The following ARAP2 variants were observed in gnomAD, a reference collection of about 807,000 sequenced individuals.
The protein encoded by ARAP2 is ArfGAP with RhoGAP domain, ankyrin repeat and PH domain 2.
In ARAP2, 148 loss-of-function variants were observed where a neutral mutation model predicts 194.5. The ratio of observed to expected loss-of-function variants is 0.76; its 90% CI spans 0.67 to 0.87. ARAP2 has a LOEUF of 0.87. ARAP2 is among the 40% of genes least tolerant of loss of function. The pLI is 0.00. For synonymous variants in ARAP2, 695 were observed against 683.5 expected, an observed-to-expected ratio of 1.02 and a Z score of -0.26; for missense variants, 2,128 against 1,989.7, an observed-to-expected ratio of 1.07 and a Z score of -1.32.
intron 31 of ARAP2, among the ~76,000 whole-genome samples, chr4:36,077,739 T>C (rs1162835106): frequency 2.0e-5 from 3 of 152,182 alleles, no homozygotes; most frequent in South Asian, 2.1e-4. Flanking sequence ...AATTAGATTA[T>C]ATCCTTCCCT....
Position 36,161,492 on chromosome 4 carries a change from A to G in ARAP2, c.2232T>C (p.Ala744=). ...CGATGAGTTCATTGCTCCAAATGCT[A>G]GCATCCATTTTTAGACTTCTAACCT... is the stretch of plus-strand genomic sequence containing the variant. ...DSKVRSLKMD[A]SIWSNELIEL... Residue 744 remains alanine (A), a synonymous_variant, in exon 12 of 33, where the codon GCT becomes GCC. Transcript: ENST00000303965. 4 of 1,613,996 alleles carry G rather than the reference A, an allele frequency of 2.5e-6. No individual in the cohort carries two copies. The highest frequency in any genetic ancestry group is 2.5e-6 in the Non-Finnish European group (3 of 1,179,928).
At chr4:36,203,274 C>T (rs1192824925) in intron 6 of ARAP2, among the ~76,000 whole-genome samples, 1 of 152,034 alleles carries the variant, frequency 6.6e-6, no homozygotes, top group Non-Finnish European at 1.5e-5. Flanking sequence ...GTCCACTTTC[C>T]CACATGAGCC....
At chr4:36,243,383 C>CA (rs71201008) in intron 1 of ARAP2, among the ~76,000 whole-genome samples, 9,589 of 84,196 alleles carry the variant, frequency 0.11, 1,106 homozygotes, top group African/African-American at 0.2. Context: ...GACAAGCTTG[C>CA]AAAAAAAAAA....
chr4:36,173,855 A>T (rs1245863497), intron 9 of ARAP2, among the ~76,000 whole-genome samples: 4 of 152,188 alleles, frequency 2.6e-5, no homozygotes, highest in Non-Finnish European at 4.4e-5. Flanking sequence ...TGATAAATCT[A>T]ACACTTTTAA....
At position 36,083,349 on chromosome 4, in the gene ARAP2, C is replaced by A. The variant is rs1445899547; in HGVS notation, c.4508+19G>T. The stretch of plus-strand genomic sequence containing the variant: ...TTCCCATAAGTTTTTCCTTTCAGCA[C>A]TTCCCTTTCAAACTTTACCTTGTTG... On this transcript the variant is annotated intron_variant, in intron 29 of 32. Transcript: ENST00000303965. 1 of 1,569,598 alleles carries A rather than the reference C, an allele frequency of 6.4e-7. No homozygotes were observed. The highest frequency in any genetic ancestry group is 2.3e-5 in the East Asian group (1 of 44,344).
At chr4:36,113,001 T>C (rs1167634959) in intron 26 of ARAP2, among the ~76,000 whole-genome samples, 1 of 151,700 alleles carries the variant, frequency 6.6e-6, no homozygotes, top group Non-Finnish European at 1.5e-5. Context: ...ACCCAATGTT[T>C]AGAAAACAGA....
chr4:36,005,644 C>T (rs1018753211), intron 10 of ARAP2: 3 of 152,066 alleles, frequency 2.0e-5, no homozygotes, highest in Admixed American at 6.6e-5. Context: ...TATACATTTG[C>T]CATAAACTGA....
intron 7 of ARAP2, among the ~76,000 whole-genome samples, chr4:36,192,557 A>C (rs1034412757): frequency 1.3e-5 from 2 of 152,222 alleles, no homozygotes; most frequent in African/African-American, 2.4e-5. Context: ...TATTTCAATC[A>C]AACCAGAAAA....
intron 2 of ARAP2, among the ~76,000 whole-genome samples, chr4:36,216,420 G>A (rs1003533161): frequency 6.6e-6 from 1 of 152,110 alleles, no homozygotes; most frequent in African/African-American, 2.4e-5. Flanking sequence ...AGTAATGCTG[G>A]CAGCAAATAA....
At chr4:36,198,265 G>A (rs6811620) in intron 6 of ARAP2, among the ~76,000 whole-genome samples, 7,716 of 152,264 alleles carry the variant, frequency 0.051, 424 homozygotes, top group African/African-American at 0.14. Context: ...TGATGTCTGC[G>A]CAGCTCTGGC....
At chr4:36,018,216 T>C (rs945108446) in intron 6 of ARAP2, among the ~76,000 whole-genome samples, 1 of 152,124 alleles carries the variant, frequency 6.6e-6, no homozygotes, top group Non-Finnish European at 1.5e-5. Flanking sequence ...CAAAAGTTAT[T>C]GGGGAGCACC....
chr4:36,239,755 T>G (rs1753158931), intron 1 of ARAP2, among the ~76,000 whole-genome samples: 1 of 152,164 alleles, frequency 6.6e-6, no homozygotes, highest in South Asian at 2.1e-4. Context: ...AGACGGTAAA[T>G]TTTATAGTAT....
At chr4:36,146,196 G>T (rs1427864923) in intron 19 of ARAP2, among the ~76,000 whole-genome samples, 1 of 151,762 alleles carries the variant, frequency 6.6e-6, no homozygotes, top group South Asian at 2.1e-4. Flanking sequence ...CTAACTTCAC[G>T]AAACATCCAC....
At chr4:36,119,110 C>T (rs1415893342) in intron 24 of ARAP2, among the ~76,000 whole-genome samples, 7 of 151,266 alleles carry the variant, frequency 4.6e-5, no homozygotes, top group Non-Finnish European at 1.0e-4. Context: ...GCAACCAGAA[C>T]ACAAAAATCC....
intron 27 of ARAP2, among the ~76,000 whole-genome samples, chr4:36,099,152 T>C (rs1167485783): frequency 6.6e-6 from 1 of 151,636 alleles, no homozygotes; most frequent in Non-Finnish European, 1.5e-5. Context: ...GAACATGCGG[T>C]GTCTGGTTTT....
intron 6 of ARAP2, among the ~76,000 whole-genome samples, chr4:36,198,488 C>T (rs1578245220): frequency 6.6e-6 from 1 of 152,248 alleles, no homozygotes; most frequent in African/African-American, 2.4e-5. Context: ...CCTCCTGCTG[C>T]TGTTCATGGC....
rs527727525 is a variant in ARAP2, at chr4:36,095,360, T to C, written c.4286-3340A>G. 3.9e-5 allele frequency among the ~76,000 whole-genome samples: 6 copies of C among 152,180 alleles called. No individual in the cohort carries two copies. The East Asian group carries it at 5.8e-4, about 15-fold the overall frequency. The stretch of plus-strand genomic sequence containing the variant: ...TTTCTGGGATTCCTATTCTGTGACA[T>C]TCAAGTTAGATAATTTTTGATCTGG... On this transcript the variant is annotated intron_variant, in intron 27 of 32. Transcript: ENST00000303965.
At chr4:36,208,654 G>A (rs1433824196) in intron 6 of ARAP2, among the ~76,000 whole-genome samples, 1 of 152,124 alleles carries the variant, frequency 6.6e-6, no homozygotes, top group East Asian at 1.9e-4. Context: ...AATTAGGAAA[G>A]GAAAAATTCT....
chr4:36,107,873 C>G (rs1359778333), intron 26 of ARAP2, among the ~76,000 whole-genome samples, 180 bp from the exon 27 acceptor site: 1 of 151,724 alleles, frequency 6.6e-6, no homozygotes, highest in African/African-American at 2.4e-5. Flanking sequence ...TATCCTAAGA[C>G]CTAGAAAATT....
Sources: allele counts gnomAD v4.1 joint callset (sites outside exome capture counted in the v4.1 genomes callset), GRCh38; gene constraint gnomAD v4.1.1; transcripts MANE v1.5; gene names NCBI Gene and HGNC (gene_info 2026-07-23, HGNC 2026-07-21).